CDK14: variants seen among roughly 807,000 people sequenced by gnomAD.
The protein encoded by CDK14 is cyclin-dependent kinase 14.
Under a neutral mutation model 60.7 loss-of-function variants are expected in CDK14, and 34 were observed. The ratio of observed to expected loss-of-function variants is 0.56; its 90% confidence interval spans 0.43 to 0.75. The LOEUF (loss-of-function observed/expected upper bound fraction) is 0.75. CDK14 is among the 30% of genes least tolerant of loss of function. The pLI is 0.00. For synonymous variants in CDK14, 197 were observed against 203.7 expected (o/e 0.97, Z 0.28); for missense variants, 482 against 564.1 (o/e 0.85, Z 1.47).
chr7:91,138,655 T>C (rs1035096867), intron 14 of CDK14, among the ~76,000 whole-genome samples: 1 of 152,156 alleles, frequency 6.6e-6, no homozygotes, highest in Non-Finnish European at 1.5e-5. Flanking sequence ...TTTTTTATGT[T>C]GGTGATAATT....
intron 11 of CDK14, among the ~76,000 whole-genome samples, chr7:91,057,721 T>G (rs1034379187): frequency 1.3e-5 from 2 of 152,248 alleles, no homozygotes; most frequent in Admixed American, 6.5e-5. Flanking sequence ...GTTGTAGATA[T>G]GCGACATTAT....
At chr7:91,000,644 C>G (rs773544654) in intron 10 of CDK14, among the ~76,000 whole-genome samples, 39 of 152,168 alleles carry the variant, frequency 2.6e-4, no homozygotes, top group African/African-American at 8.9e-4. Flanking sequence ...TTCAGGGCTA[C>G]CTGTGACAAT....
chr7:90,874,939 G>A (rs547296453), intron 6 of CDK14, among the ~76,000 whole-genome samples: 1 of 152,164 alleles, frequency 6.6e-6, no homozygotes, highest in South Asian at 2.1e-4. Context: ...TATTCACAAC[G>A]TTGTGGAACC....
chr7:91,151,630 G>A (rs1173724708), intron 14 of CDK14, among the ~76,000 whole-genome samples: 1 of 152,110 alleles, frequency 6.6e-6, no homozygotes, highest in Non-Finnish European at 1.5e-5. Context: ...AGCTGGTTTG[G>A]AATGACATCC....
intron 3 of CDK14, among the ~76,000 whole-genome samples, chr7:90,728,547 G>A (rs762964904): frequency 4.6e-5 from 7 of 151,828 alleles, no homozygotes; most frequent in Non-Finnish European, 7.4e-5. Flanking sequence ...CTATTTCAAT[G>A]AATAACATAT....
intron 11 of CDK14, among the ~76,000 whole-genome samples, chr7:91,077,254 C>A (rs1359774090): frequency 6.6e-6 from 1 of 152,128 alleles, no homozygotes; most frequent in Admixed American, 6.5e-5. Flanking sequence ...CCCAAATGCC[C>A]ATCAATGATA....
intron 3 of CDK14, among the ~76,000 whole-genome samples, chr7:90,735,854 C>T (rs1053066519): frequency 3.3e-5 from 5 of 152,206 alleles, no homozygotes; most frequent in African/African-American, 1.2e-4. Context: ...CCCTGGCATT[C>T]CAGGTGCCAC....
chr7:90,884,996 T>A (rs184149381), intron 6 of CDK14, among the ~76,000 whole-genome samples: 1 of 152,270 alleles, frequency 6.6e-6, no homozygotes, highest in Non-Finnish European at 1.5e-5. Flanking sequence ...GAGGAAAACC[T>A]AGGCTGTACT....
intron 8 of CDK14, among the ~76,000 whole-genome samples, chr7:90,934,594 G>GT (rs980868385): frequency 3.0e-4 from 46 of 152,272 alleles, no homozygotes; most frequent in African/African-American, 8.7e-4. Flanking sequence ...TCACCAGTTA[G>GT]TTTTTTTATT....
chr7:90,813,025 A>T (rs766302477), intron 5 of CDK14, among the ~76,000 whole-genome samples: 4 of 152,248 alleles, frequency 2.6e-5, no homozygotes, highest in Non-Finnish European at 5.9e-5. Context: ...TTAAATGTCC[A>T]TCAACTGTTG....
intron 14 of CDK14, among the ~76,000 whole-genome samples, chr7:91,147,141 G>GTCTCTCTCTCTCTCTCTCTCTCTC (rs150638262): frequency 3.8e-5 from 3 of 79,216 alleles, no homozygotes; most frequent in African/African-American, 1.3e-4. Context: ...ACCTCTCTCT[G>GTCTCTCTCTCTCTCTCTCTCTCTC]TCTCTCTCTC....
At chr7:90,792,187 A>C (rs1025343863) in intron 5 of CDK14, among the ~76,000 whole-genome samples, 1 of 143,344 alleles carries the variant, frequency 7.0e-6, no homozygotes, top group Non-Finnish European at 1.5e-5. Context: ...GGCGTGAGCC[A>C]CTGTGCCTGC....
rs1047637795 is a variant in CDK14, at chr7:91,135,965, T to G, written c.*28+17757T>G. ...GTAAAACCAACCTACACTTGTGTCTTTCTTTGCCAGCTCAGAAGAGACCTT... is the reference window on the plus strand; with the variant it reads ...GTAAAACCAACCTACACTTGTGTCTGTCTTTGCCAGCTCAGAAGAGACCTT... On this transcript the variant is annotated intron_variant, in intron 14 of 14. Transcript: ENST00000380050. Among the ~76,000 whole-genome samples the G allele has an allele frequency of 4.6e-5, 7 of 152,296 alleles. 1 individual carries two copies. Among genetic ancestry groups the G allele is most frequent in the Non-Finnish European group, 1.5e-5 (1 of 68,018 alleles).
chr7:90,857,825 G>A (rs1354392919), intron 5 of CDK14, among the ~76,000 whole-genome samples: 1 of 152,182 alleles, frequency 6.6e-6, no homozygotes, highest in African/African-American at 2.4e-5. Flanking sequence ...GCACCTCACT[G>A]GGACCAGTGG....
intron 3 of CDK14, among the ~76,000 whole-genome samples, chr7:90,745,432 T>C (rs1377669964): frequency 6.6e-6 from 1 of 152,216 alleles, no homozygotes; most frequent in Non-Finnish European, 1.5e-5. Flanking sequence ...AATTTTTCTA[T>C]TTAGATGTAA....
At chr7:90,745,445 T>G (rs1482467366) in intron 3 of CDK14, among the ~76,000 whole-genome samples, 3 of 152,222 alleles carry the variant, frequency 2.0e-5, no homozygotes, top group Non-Finnish European at 4.4e-5. Flanking sequence ...AGATGTAACC[T>G]CTCCCTGAAG....
At chr7:91,044,585 T>A (rs1797180920) in intron 10 of CDK14, among the ~76,000 whole-genome samples, 1 of 152,180 alleles carries the variant, frequency 6.6e-6, no homozygotes, top group South Asian at 2.1e-4. Flanking sequence ...CATCATGGCC[T>A]GAGCTGGTTT....
intron 8 of CDK14, among the ~76,000 whole-genome samples, chr7:90,940,067 C>A (rs1793870733): frequency 6.6e-6 from 1 of 152,024 alleles, no homozygotes; most frequent in South Asian, 2.1e-4. Flanking sequence ...GACCCTTTTT[C>A]TTTCTCTCTT....
intron 2 of CDK14, among the ~76,000 whole-genome samples, chr7:90,606,317 T>C (rs539588836): frequency 3.2e-4 from 48 of 152,328 alleles, no homozygotes; most frequent in Non-Finnish European, 6.0e-4. Flanking sequence ...GACTTATTAA[T>C]TTCATATCCT....
Sources: allele counts gnomAD v4.1 joint callset (sites outside exome capture counted in the v4.1 genomes callset), GRCh38; gene constraint gnomAD v4.1.1; transcripts MANE v1.5; gene names NCBI Gene and HGNC (gene_info 2026-07-23, HGNC 2026-07-21).